The following POF1B variants were observed in gnomAD, a reference collection of about 807,000 sequenced individuals.
The protein encoded by POF1B is POF1B actin binding protein.
Under a neutral mutation model 55.3 loss-of-function variants are expected in POF1B, and 53 were observed. The ratio of observed to expected loss-of-function variants is 0.96; its 90% confidence interval spans 0.77 to 1.20. The LOEUF (loss-of-function observed/expected upper bound fraction) is 1.20. Among genes scored for constraint, POF1B ranks in the 50% most tolerant of loss-of-function variants. POF1B has a pLI of 0.00. For synonymous variants in POF1B, 188 were observed against 148.3 expected (o/e 1.27, Z -1.95); for missense variants, 478 against 420.5 (o/e 1.14, Z -1.20).
intron 4 of POF1B, among the ~76,000 whole-genome samples, chrX:85,357,182 T>G (rs2147942663): frequency 9.0e-6 from 1 of 111,343 alleles, no homozygotes; most frequent in Non-Finnish European, 1.9e-5. Context: ...TTCTGCTCCT[T>G]CCATCCACTT....
intron 3 of POF1B, among the ~76,000 whole-genome samples, chrX:85,359,849 T>C (rs1427107881): frequency 3.6e-5 from 4 of 111,425 alleles, no homozygotes; most frequent in African/African-American, 1.3e-4. Flanking sequence ...TATACTCATT[T>C]CATGGTATTT....
intron 15 of POF1B, among the ~76,000 whole-genome samples, chrX:85,284,764 A>G (rs981761143): frequency 2.6e-4 from 29 of 112,073 alleles, no homozygotes; most frequent in African/African-American, 9.4e-4. Flanking sequence ...TTCATGACTA[A>G]AACACCAAAA....
chrX:85,330,903 A>C, intron 7 of POF1B, 46 bp downstream of exon 7: 1 of 1,097,951 alleles, frequency 9.1e-7, no homozygotes, highest in Non-Finnish European at 1.2e-6. Context: ...ATGTTGTAAA[A>C]TGTTTGGTAG....
intron 4 of POF1B, among the ~76,000 whole-genome samples, chrX:85,353,253 G>A (rs1933424671): frequency 9.0e-6 from 1 of 111,268 alleles, no homozygotes; most frequent in Admixed American, 9.6e-5. Context: ...GTTTGGAAAA[G>A]TGTAAGTTAT....
chrX:85,317,216 T>C (rs1932795322), intron 7 of POF1B, among the ~76,000 whole-genome samples: 1 of 109,808 alleles, frequency 9.1e-6, no homozygotes, highest in South Asian at 4.1e-4. Flanking sequence ...GGTAGAATGA[T>C]TTATATTCCT....
At chrX:85,348,077 CTG>C (rs900127714) in intron 5 of POF1B, among the ~76,000 whole-genome samples, 1 of 110,808 alleles carries the variant, frequency 9.0e-6, no homozygotes, top group African/African-American at 3.3e-5. Context: ...AAATCAAAAA[CTG>C]TTTCTTAAAA....
rs1376894276 is a variant in POF1B, at chrX:85,323,381, T to C, written c.854+7568A>G. On this transcript the variant is annotated intron_variant, in intron 7 of 16. Transcript: ENST00000262753. ...AGCACCGCATGTTCTCACTGGTAGGTAGGAATTGAACAATGAGAACACACG... is the reference window on the plus strand; with the variant it reads ...AGCACCGCATGTTCTCACTGGTAGGCAGGAATTGAACAATGAGAACACACG... Among the ~76,000 whole-genome samples, 3 of 98,273 alleles carry C rather than the reference T, an allele frequency of 3.1e-5. No individual in the cohort carries two copies. The South Asian group carries it at 1.4e-3, about 46-fold the overall frequency. The allele number at this position is 98,273 out of a possible 115,157, so 85.3% of individuals were successfully genotyped here.
Position 85,313,638 on chromosome X carries a change from T to C in POF1B, c.957+794A>G, listed in dbSNP as rs1245596025. The stretch of plus-strand genomic sequence containing the variant: ...CAGGGATATTGGCCTGAAATTTTCC[T>C]TTTTTGTTCTGTCTCTGCCAGATTT... On this transcript the variant is annotated intron_variant, in intron 9 of 16. Transcript: ENST00000262753. 2.7e-5 allele frequency among the ~76,000 whole-genome samples: 3 copies of C among 111,117 alleles called. No individual in the cohort carries two copies. The Admixed American group carries it at 2.9e-4, about 11-fold the overall frequency.
intron 7 of POF1B, 23 bp downstream of exon 7, chrX:85,330,926 G>A: frequency 2.6e-6 from 3 of 1,138,214 alleles, no homozygotes; most frequent in Non-Finnish European, 3.5e-6. Flanking sequence ...ACAACATCAA[G>A]GCAAATAATA....
At chrX:85,303,637 C>T in intron 14 of POF1B, 149 bp from the exon 15 acceptor site, 1 of 417,060 alleles carries the variant, frequency 2.4e-6, no homozygotes, top group Non-Finnish European at 4.2e-6. Context: ...GTTCTAATCC[C>T]ACTTGTTGAA....
intron 13 of POF1B, among the ~76,000 whole-genome samples, chrX:85,305,029 TG>T (rs199953918): frequency 0.02 from 2,189 of 111,158 alleles, 20 homozygotes; most frequent in Non-Finnish European, 0.034. Flanking sequence ...CTCATATGTG[TG>T]TAGCTTAGGT....
chrX:85,278,868 G>A lies in POF1B; in HGVS notation c.*553C>T, dbSNP rs1383061927. 9.0e-6 allele frequency: 1 copy of A among 110,951 alleles called. No homozygotes were observed. Among genetic ancestry groups the A allele is most frequent in the African/African-American group, 3.3e-5 (1 of 30,699 alleles). 9.1% of individuals were successfully genotyped at this position (110,951 alleles called of 1,213,427 possible). A position where few individuals can be genotyped will look rare whatever the true frequency, so the allele number is the denominator to read the frequency against. On this transcript the variant is annotated 3_prime_UTR_variant, in exon 17 of 17. Transcript: ENST00000262753. The stretch of plus-strand genomic sequence containing the variant: ...TAATCATCACCTTTGACTTTCAAGA[G>A]GTGAAAATAGCGTGTAATAAAGCAT...
Position 85,279,229 on chromosome X carries a change from A to G in POF1B, c.*192T>C. Reference sequence around the variant, plus strand: ...TGAATACATGAGTGTTATGGAAAAGATTTAGGTCTCATAAATGGGTGAAGA... The same window carrying G: ...TGAATACATGAGTGTTATGGAAAAGGTTTAGGTCTCATAAATGGGTGAAGA... On this transcript the variant is annotated 3_prime_UTR_variant, in exon 17 of 17. Coordinates refer to ENST00000262753, the MANE Select transcript of POF1B (RefSeq NM_024921.4). The G allele has an allele frequency of 2.4e-6, 1 of 411,692 alleles. No individual in the cohort carries two copies. The highest frequency in any genetic ancestry group is 3.8e-5 in the East Asian group (1 of 26,469). 33.9% of individuals were successfully genotyped at this position (411,692 alleles called of 1,213,427 possible).
At position 85,372,292 on chromosome X, in the gene POF1B, C is replaced by T. The variant is rs1882032011; in HGVS notation, c.283-4526G>A. Among the ~76,000 whole-genome samples the T allele has an allele frequency of 2.9e-5, 3 of 103,128 alleles. 1 individual carries two copies. In the South Asian group the frequency reaches 1.4e-3, roughly 47 times the overall value. 89.6% of individuals were successfully genotyped at this position (103,128 alleles called of 115,157 possible). ...CTGGGAGGCAGAGCTTGCCGTGAGCCGAGATCGTGCCACTGTGCTCCAGGC... is the reference window on the plus strand; with the variant it reads ...CTGGGAGGCAGAGCTTGCCGTGAGCTGAGATCGTGCCACTGTGCTCCAGGC... On this transcript the variant is annotated intron_variant, in intron 2 of 16. Transcript: ENST00000262753.
chrX:85,322,715 CA>C (rs1435405046), intron 7 of POF1B, among the ~76,000 whole-genome samples: 1 of 111,470 alleles, frequency 9.0e-6, no homozygotes, highest in Non-Finnish European at 1.9e-5. Context: ...GGCTAATATC[CA>C]GAATCTACAA....
intron 9 of POF1B, among the ~76,000 whole-genome samples, chrX:85,312,520 T>A (rs1932729442): frequency 9.0e-6 from 1 of 111,371 alleles, no homozygotes; most frequent in African/African-American, 3.3e-5. Context: ...CTCTGTTCTG[T>A]TCCATTGGTC....
chrX:85,294,363 G>T (rs1932262551), intron 15 of POF1B, among the ~76,000 whole-genome samples: 1 of 111,702 alleles, frequency 9.0e-6, no homozygotes, highest in African/African-American at 3.3e-5. Flanking sequence ...CTCATAGATG[G>T]CTATTATTAT....
intron 2 of POF1B, among the ~76,000 whole-genome samples, chrX:85,375,680 G>A (rs1238329907): frequency 9.0e-6 from 1 of 111,179 alleles, no homozygotes; most frequent in Non-Finnish European, 1.9e-5. Flanking sequence ...CCCACAGAAC[G>A]GGAAACTTTT....
chrX:85,353,892 A>C (rs1348065093), intron 4 of POF1B, among the ~76,000 whole-genome samples: 1 of 111,757 alleles, frequency 8.9e-6, no homozygotes, highest in Non-Finnish European at 1.9e-5. Flanking sequence ...TTCAAGAAGC[A>C]GTAGGAAGTC....
Sources: gnomAD v4.1 joint callset for allele counts (sites outside exome capture counted in the v4.1 genomes callset) on GRCh38, gnomAD v4.1.1 for gene constraint, MANE v1.5 for transcripts, NCBI Gene and HGNC (gene_info 2026-07-23, HGNC 2026-07-21) for gene names.